KIAA1217: variants seen among roughly 807,000 people sequenced by gnomAD.
KIAA1217 encodes sickle tail protein homolog.
In KIAA1217, 88 loss-of-function variants were observed where a neutral mutation model predicts 163.9. The observed-to-expected ratio is 0.54, with a 90% CI of 0.45 to 0.64. The LOEUF is 0.64. KIAA1217 is among the 30% of genes least tolerant of loss of function. The pLI, the probability that KIAA1217 is intolerant of heterozygous loss-of-function variation, is 0.00. For missense variants in KIAA1217, 2,372 were observed against 2,475.0 expected, an observed-to-expected ratio of 0.96 and a Z score of 0.88; for synonymous variants, 903 against 923.1, an observed-to-expected ratio of 0.98 and a Z score of 0.39.
chr10:24,452,912 T>C (rs1041472671), intron 5 of KIAA1217, among the ~76,000 whole-genome samples: 2 of 152,002 alleles, frequency 1.3e-5, no homozygotes, highest in African/African-American at 2.4e-5. Flanking sequence ...CATAAATATA[T>C]ACACCTACTC....
rs749440767 is a variant in KIAA1217, at chr10:24,473,910, C to T, written c.1529C>T (p.Ala510Val). Residue 510 changes from alanine (A) to valine (V), a missense_variant, in exon 6 of 21, where the codon GCC becomes GTC. Ala to Val is a moderately conservative substitution (Grantham distance 64). Transcript: ENST00000376454. ...QPDRASPSRQAFKKEPGTLVY... is the reference protein window; with the variant it reads ...QPDRASPSRQVFKKEPGTLVY... ...GACCGGGCCTCTCCGAGCCGCCAGG[C>T]CTTTAAAAAGGAGCCAGGCACCTTG... 1 of 1,614,170 alleles carries T rather than the reference C, an allele frequency of 6.2e-7. No individual in the cohort carries two copies. Among genetic ancestry groups the T allele is most frequent in the Non-Finnish European group, 8.5e-7 (1 of 1,180,042 alleles).
At chr10:24,010,851 G>C (rs12259878) in intron 2 of KIAA1217, among the ~76,000 whole-genome samples, 1 of 152,104 alleles carries the variant, frequency 6.6e-6, no homozygotes, top group Admixed American at 6.6e-5. Context: ...CGGGATGGGG[G>C]TTCCAGCTGG....
At chr10:24,411,916 T>C (rs1157724965) in intron 3 of KIAA1217, among the ~76,000 whole-genome samples, 1 of 152,148 alleles carries the variant, frequency 6.6e-6, no homozygotes, top group African/African-American at 2.4e-5. Context: ...GAATTGATGC[T>C]TTTGATTCCA....
At chr10:24,393,813 C>G (rs2055331858) in intron 3 of KIAA1217, among the ~76,000 whole-genome samples, 1 of 152,208 alleles carries the variant, frequency 6.6e-6, no homozygotes, top group Non-Finnish European at 1.5e-5. Flanking sequence ...ACCCACACAG[C>G]TGACACCTTG....
intron 9 of KIAA1217, among the ~76,000 whole-genome samples, chr10:24,508,434 G>A (rs984598761): frequency 2.0e-5 from 3 of 152,150 alleles, no homozygotes; most frequent in Admixed American, 2.0e-4. Context: ...TCAGGAGCAA[G>A]GCCAAGAAAC....
intron 2 of KIAA1217, among the ~76,000 whole-genome samples, chr10:24,309,710 C>T (rs2042462331): frequency 6.6e-6 from 1 of 152,162 alleles, no homozygotes; most frequent in Admixed American, 6.6e-5. Flanking sequence ...TTCCCTCCTT[C>T]CTCATCTATA....
At chr10:24,539,494 G>A (rs540535935) in intron 17 of KIAA1217, among the ~76,000 whole-genome samples, 1 of 151,952 alleles carries the variant, frequency 6.6e-6, no homozygotes, top group Admixed American at 6.5e-5. Flanking sequence ...GACTCCCAAA[G>A]TGCTGGGATT....
At chr10:24,197,213 A>G (rs1446824764) in intron 2 of KIAA1217, among the ~76,000 whole-genome samples, 1 of 152,192 alleles carries the variant, frequency 6.6e-6, no homozygotes, top group Non-Finnish European at 1.5e-5. Flanking sequence ...CGGTTTCAGC[A>G]TCTTTTTTGA....
intron 1 of KIAA1217, among the ~76,000 whole-genome samples, chr10:23,928,388 A>G (rs1843117787): frequency 6.6e-6 from 1 of 152,244 alleles, no homozygotes; most frequent in South Asian, 2.1e-4. Context: ...TTTCCGTGGC[A>G]TGATAGATCT....
At chr10:24,071,075 A>G (rs958461972) in intron 2 of KIAA1217, among the ~76,000 whole-genome samples, 12 of 152,202 alleles carry the variant, frequency 7.9e-5, no homozygotes, top group African/African-American at 2.9e-4. Flanking sequence ...TGAAGGGAAC[A>G]TTGTGGCATC....
chr10:24,332,882 G>A (rs537904963), intron 2 of KIAA1217, among the ~76,000 whole-genome samples: 3 of 152,188 alleles, frequency 2.0e-5, no homozygotes, highest in South Asian at 2.1e-4. Flanking sequence ...TGGCCAGGTC[G>A]GTGGCAGGGG....
At chr10:23,700,185 T>C (rs940908664) in intron 1 of KIAA1217, among the ~76,000 whole-genome samples, 2 of 152,182 alleles carry the variant, frequency 1.3e-5, no homozygotes, top group African/African-American at 4.8e-5. Flanking sequence ...CCCATTTTTG[T>C]CATTACTTGA....
chr10:24,169,178 C>G (rs891669831), intron 2 of KIAA1217, among the ~76,000 whole-genome samples: 9 of 152,242 alleles, frequency 5.9e-5, no homozygotes, highest in Non-Finnish European at 1.3e-4. Flanking sequence ...TATCTGCTAT[C>G]TTTAAATTGC....
At chr10:23,911,305 T>C (rs1264754144) in intron 1 of KIAA1217, among the ~76,000 whole-genome samples, 1 of 152,142 alleles carries the variant, frequency 6.6e-6, no homozygotes, top group Admixed American at 6.5e-5. Flanking sequence ...TCCAGGCCCT[T>C]TATCCCTTTG....
At chr10:24,229,698 T>C (rs756218380) in intron 2 of KIAA1217, among the ~76,000 whole-genome samples, 21 of 152,108 alleles carry the variant, frequency 1.4e-4, no homozygotes, top group South Asian at 4.2e-4. Context: ...TTTGTATTTT[T>C]AGTAGAGACA....
At chr10:24,165,930 G>A (rs1023672133) in intron 2 of KIAA1217, among the ~76,000 whole-genome samples, 1 of 152,114 alleles carries the variant, frequency 6.6e-6, no homozygotes. Flanking sequence ...AAGGTGACAA[G>A]ACAGTTTATA....
chr10:24,019,130 CATG>C (rs1847622415), intron 2 of KIAA1217, among the ~76,000 whole-genome samples: 1 of 151,904 alleles, frequency 6.6e-6, no homozygotes, highest in African/African-American at 2.4e-5. Flanking sequence ...TGTTGTACAG[CATG>C]ATGACTATAA....
intron 5 of KIAA1217, among the ~76,000 whole-genome samples, chr10:24,461,917 CATGGTCCTGAGAATGTCACCCCATA>C (rs2062447629): frequency 6.6e-6 from 1 of 151,992 alleles, no homozygotes; most frequent in South Asian, 2.1e-4. Flanking sequence ...CTCTGAGGGG[CATGGTCCTGAGAATGTCACCCCATA>C]ATGGAATTAG....
At chr10:23,872,109 G>C (rs1840482532) in intron 1 of KIAA1217, among the ~76,000 whole-genome samples, 1 of 152,088 alleles carries the variant, frequency 6.6e-6, no homozygotes, top group Admixed American at 6.6e-5. Context: ...ATTTGATTTA[G>C]AAGAGGTATT....
Sources: gnomAD v4.1 joint callset for allele counts (sites outside exome capture counted in the v4.1 genomes callset) on GRCh38, gnomAD v4.1.1 for gene constraint, MANE v1.5 for transcripts, NCBI Gene and HGNC (gene_info 2026-07-23, HGNC 2026-07-21) for gene names.